KCNH6: variants seen among roughly 807,000 people sequenced by gnomAD.
KCNH6 encodes the protein voltage-gated inwardly rectifying potassium channel KCNH6.
In KCNH6, 81 loss-of-function variants were observed where a neutral mutation model predicts 83.4. The observed-to-expected ratio is 0.97, with a 90% confidence interval of 0.81 to 1.17. The LOEUF (loss-of-function observed/expected upper bound fraction) is 1.17, where lower values mean the gene tolerates loss of function less well. KCNH6 is among the 50% of genes most tolerant of loss of function. The pLI is 0.00. For synonymous variants in KCNH6, 503 were observed against 545.6 expected (o/e 0.92, Z 1.09); for missense variants, 1,203 against 1,290.5 (o/e 0.93, Z 1.04).
rs1190159857 is a variant in KCNH6, at chr17:63,538,630, T to C, written c.1922T>C (p.Ile641Thr). 18 of 1,602,942 alleles carry C rather than the reference T, an allele frequency of 1.1e-5. No individual in the cohort carries two copies. Among genetic ancestry groups the C allele is most frequent in the Non-Finnish European group, 1.5e-5 (18 of 1,172,844 alleles). Residue 641 changes from isoleucine to threonine, a missense_variant, in exon 8 of 13, where the codon ATC becomes ACC. Coordinates refer to ENST00000314672, the MANE Select transcript of KCNH6 (RefSeq NM_001278919.2). The surrounding 1 kb of genome is among the most constrained non-coding windows in gnomAD (Gnocchi z 4.0). ...LYFISRGSIE[I>T]LRDDVVVAIL... is the part of the protein sequence containing the mutation. ...TTCATCTCCCGAGGCTCCATCGAGA[T>C]CCTGCGCGACGACGTGGTCGTGGCC...
intron 6 of KCNH6, 42 bp downstream of exon 6, chr17:63,536,110 T>C (rs757580411): frequency 8.5e-5 from 133 of 1,573,738 alleles, no homozygotes; most frequent in Non-Finnish European, 1.1e-4. Context: ...CATGCTCTGG[T>C]CTTACCCGTG....
intron 6 of KCNH6, 61 bp downstream of exon 6, chr17:63,536,129 T>C (rs2032487220): frequency 3.5e-6 from 5 of 1,439,166 alleles, no homozygotes; most frequent in Admixed American, 1.7e-5. Context: ...TGAAATTTTA[T>C]GTGTAGTTTT....
chr17:63,543,396 G>T (rs1263045943), intron 9 of KCNH6, among the ~76,000 whole-genome samples, 180 bp from the exon 10 acceptor site: 1 of 152,048 alleles, frequency 6.6e-6, no homozygotes, highest in African/African-American at 2.4e-5. Flanking sequence ...GGACAGGAGG[G>T]GTGTGGTCTC....
Position 63,535,820 on chromosome 17 carries a change from T to A in KCNH6, c.1253T>A (p.Ile418Asn). ...FALIAHWLAC[I>N]WYAIGNVERP... ...CTCATAGCGCACTGGCTGGCCTGCA[T>A]CTGGTACGCCATCGGCAATGTGGAG... Residue 418 changes from isoleucine to asparagine, a missense_variant, in exon 6 of 13, where the codon ATC becomes AAC. Coordinates refer to ENST00000314672, the MANE Select transcript of KCNH6 (RefSeq NM_001278919.2). The surrounding 1 kb of genome is among the most constrained non-coding windows in gnomAD (Gnocchi z 4.9). 1 of 1,614,210 alleles carries A rather than the reference T, an allele frequency of 6.2e-7. No individual in the cohort carries two copies. Among genetic ancestry groups the A allele is most frequent in the South Asian group, 1.1e-5 (1 of 91,090 alleles).
intron 4 of KCNH6, among the ~76,000 whole-genome samples, chr17:63,532,950 C>G (rs1362969791): frequency 6.6e-6 from 1 of 152,184 alleles, no homozygotes; most frequent in Non-Finnish European, 1.5e-5. Flanking sequence ...TCCTCACTAC[C>G]CATGGCTTTT....
chr17:63,524,177 T>C lies in KCNH6; in HGVS notation c.115T>C (p.Cys39Arg), dbSNP rs751963404. Residue 39 changes from cysteine (C) to arginine (R), a missense_variant, in exon 2 of 13, where the codon TGC becomes CGC. Transcript: ENST00000314672. ...GATTGCCAATGCTCAGATGGAGAAC[T>C]GCGCCATCATTTACTGCAACGACGG... ...FLIANAQMEN[C>R]AIIYCNDGFC... 1 of 1,614,122 alleles carries C rather than the reference T, an allele frequency of 6.2e-7. No homozygotes were observed.
At chr17:63,537,776 G>A (rs1264161343) in intron 6 of KCNH6, among the ~76,000 whole-genome samples, 2 of 152,168 alleles carry the variant, frequency 1.3e-5, no homozygotes, top group Non-Finnish European at 2.9e-5. Context: ...ACTTAAAGGA[G>A]AAAACAGATC....
rs1213744683 is a variant in KCNH6, at chr17:63,523,803, G to T, written c.76+314G>T. The stretch of plus-strand genomic sequence containing the variant: ...TGCCCCCTCATCCGCGTCCTCCAGA[G>T]GCTTCTCTGAGTCCTTCTTTTCCTT... On this transcript the variant is annotated intron_variant, in intron 1 of 12. Transcript: ENST00000314672. The surrounding 1 kb of genome is among the most constrained non-coding windows in gnomAD (Gnocchi z 4.2). 6.6e-6 allele frequency among the ~76,000 whole-genome samples: 1 copy of T among 152,006 alleles called. No homozygotes were observed. Among genetic ancestry groups the T allele is most frequent in the Non-Finnish European group, 1.5e-5 (1 of 68,000 alleles).
Position 63,546,010 on chromosome 17 carries a change from G to T in KCNH6, c.*108G>T, listed in dbSNP as rs2033131715. On this transcript the variant is annotated 3_prime_UTR_variant, in exon 13 of 13. Transcript: ENST00000314672. ...GGCTCGCCTGTAATCCCAGCACTTT[G>T]GGAGGCCGAGGCGGGCGGATCAGAC... 2.0e-6 allele frequency: 2 copies of T among 1,015,108 alleles called. No homozygotes were observed. Among genetic ancestry groups the T allele is most frequent in the Non-Finnish European group, 2.9e-6 (2 of 691,460 alleles). The allele number at this position is 1,015,108 out of a possible 1,614,324, so 62.9% of individuals were successfully genotyped here. A position where few individuals can be genotyped will look rare whatever the true frequency, so the allele number is the denominator to read the frequency against.
Position 63,535,686 on chromosome 17 carries a change from G to A in KCNH6, c.1119G>A (p.Gly373=), listed in dbSNP as rs202098540. 1.5e-5 allele frequency: 24 copies of A among 1,607,654 alleles called. No homozygotes were observed. The highest frequency in any genetic ancestry group is 1.7e-4 in the Middle Eastern group (1 of 6,038). Residue 373 remains glycine (G), a synonymous_variant, in exon 6 of 13, where the codon GGG becomes GGA. Transcript: ENST00000314672. The surrounding 1 kb of genome is among the most constrained non-coding windows in gnomAD (Gnocchi z 4.9). ...TGSDETTTLI[G]LLKTARLLRL... ...CCCTCCAGACCACAACCCTGATTGG[G>A]CTATTGAAGACAGCGCGGCTGCTGC... is the stretch of plus-strand genomic sequence containing the variant.
At chr17:63,543,682 C>G in intron 10 of KCNH6, 22 bp downstream of exon 10, 1 of 1,492,444 alleles carries the variant, frequency 6.7e-7, no homozygotes, top group Non-Finnish European at 9.3e-7. Context: ...CAGCCCCCAC[C>G]CCCACCAGCC....
At chr17:63,526,705 G>A (rs2031740719) in intron 2 of KCNH6, among the ~76,000 whole-genome samples, 1 of 151,998 alleles carries the variant, frequency 6.6e-6, no homozygotes, top group South Asian at 2.1e-4. Context: ...AGGTGGGAAG[G>A]GGTCCTGAGC....
chr17:63,528,805 C>T (rs1262540454), intron 2 of KCNH6, among the ~76,000 whole-genome samples: 2 of 150,208 alleles, frequency 1.3e-5, no homozygotes, highest in East Asian at 3.9e-4. Context: ...GGGTGCCTGG[C>T]CTGGGGCTCT....
rs2032383082 is a variant in KCNH6 at position 63,534,905 on chromosome 17, GC to G, written c.1101+599del. Reference sequence around the variant, plus strand: ...TCCAGCAGGGCTCCTCTGCTCCAAAGCCCCCTAAGACCACCCCTCAACAAAT... The same window carrying G: ...TCCAGCAGGGCTCCTCTGCTCCAAAGCCCCTAAGACCACCCCTCAACAAAT... On this transcript the variant is annotated intron_variant, in intron 5 of 12. Transcript: ENST00000314672. The surrounding 1 kb of genome is among the most constrained non-coding windows in gnomAD (Gnocchi z 5.0). 6.6e-6 allele frequency among the ~76,000 whole-genome samples: 1 copy of G among 151,980 alleles called. No homozygotes were observed. Among genetic ancestry groups the G allele is most frequent in the African/African-American group, 2.4e-5 (1 of 41,364 alleles).
chr17:63,544,482 G>C (rs1447198930), intron 11 of KCNH6, 71 bp downstream of exon 11: 5 of 1,368,400 alleles, frequency 3.7e-6, no homozygotes, highest in Non-Finnish European at 4.8e-6. Flanking sequence ...ACACATCACA[G>C]GGTGCCAGGT....
intron 2 of KCNH6, among the ~76,000 whole-genome samples, chr17:63,525,821 T>G (rs2031673914): frequency 6.6e-6 from 1 of 152,170 alleles, no homozygotes; most frequent in Non-Finnish European, 1.5e-5. Flanking sequence ...TTTTAAAAGC[T>G]GTGACCTCAC....
Position 63,538,216 on chromosome 17 carries a change from G to A in KCNH6, c.1653G>A (p.Glu551=), listed in dbSNP as rs778444386. ...ACCCACTGCGCCAGCGCCTGGAGGAGTATTTCCAGCACGCCTGGTCCTACA... is the reference window on the plus strand; with the variant it reads ...ACCCACTGCGCCAGCGCCTGGAGGAATATTTCCAGCACGCCTGGTCCTACA... ...IPNPLRQRLE[E]YFQHAWSYTN... The change falls in exon 7 of 13, where the codon GAG becomes GAA. Residue 551 remains glutamate, a synonymous_variant. Transcript: ENST00000314672. This position sits in a 1 kb window ranked among gnomAD's most constrained non-coding sequence, Gnocchi z 4.0. 6.2e-7 allele frequency: 1 copy of A among 1,614,222 alleles called. No individual in the cohort carries two copies. Among genetic ancestry groups the A allele is most frequent in the African/African-American group, 1.3e-5 (1 of 75,076 alleles).
chr17:63,537,312 G>T (rs1354283141), intron 6 of KCNH6, among the ~76,000 whole-genome samples: 12 of 152,190 alleles, frequency 7.9e-5, no homozygotes, highest in Non-Finnish European at 2.9e-5. Context: ...AGTCAGCGTG[G>T]AATTTTACAC....
rs1342963688 is a variant in KCNH6 at position 63,533,290 on chromosome 17, G to A, written c.676-596G>A. ...TGTGGGGAGGAGTCAGTTTTCCTTG[G>A]TGCCCAGGACCCGTTGAGGGTCCAG... On this transcript the variant is annotated intron_variant, in intron 4 of 12. Coordinates refer to ENST00000314672, the MANE Select transcript of KCNH6 (RefSeq NM_001278919.2). This position sits in a 1 kb window ranked among gnomAD's most constrained non-coding sequence, Gnocchi z 4.1. Among the ~76,000 whole-genome samples, 1 of 152,106 alleles carries A rather than the reference G, an allele frequency of 6.6e-6. No homozygotes were observed. Among genetic ancestry groups the A allele is most frequent in the Non-Finnish European group, 1.5e-5 (1 of 67,998 alleles).
Sources: allele counts gnomAD v4.1 joint callset (sites outside exome capture counted in the v4.1 genomes callset), GRCh38; gene constraint gnomAD v4.1.1; non-coding constraint Gnocchi (gnomAD v3.1); transcripts MANE v1.5; gene names NCBI Gene and HGNC (gene_info 2026-07-23, HGNC 2026-07-21).